CHM: variants seen among roughly 807,000 people sequenced by gnomAD.
CHM encodes rab proteins geranylgeranyltransferase component A 1.
CHM carries 10 observed loss-of-function variants against 49.0 expected under a neutral mutation model. That is an observed-to-expected ratio of 0.20 (90% CI 0.13 to 0.35). The LOEUF is 0.35. Ranked by LOEUF, CHM falls within the 10% of genes least tolerant of loss-of-function variation. CHM has a pLI of 1.00. For synonymous variants in CHM, 184 were observed against 167.5 expected (o/e 1.10, Z -0.76); for missense variants, 455 against 478.4 (o/e 0.95, Z 0.46).
At chrX:85,911,164 T>TATATATATATGA (rs1926952142) in intron 9 of CHM, 97 bp downstream of exon 9, 1 of 3,707 alleles carries the variant, frequency 2.7e-4, no homozygotes, top group African/African-American at 1.6e-3. Flanking sequence ...TATATATATG[T>TATATATATATGA]ATATATATAT....
chrX:85,936,812 GTT>G (rs1027785320), intron 8 of CHM, among the ~76,000 whole-genome samples: 1 of 111,759 alleles, frequency 8.9e-6, no homozygotes, highest in Non-Finnish European at 1.9e-5. Flanking sequence ...GGCTGCCTTT[GTT>G]TTGTTTGTTT....
At chrX:85,917,769 T>G (rs1313742425) in intron 8 of CHM, among the ~76,000 whole-genome samples, 1 of 107,008 alleles carries the variant, frequency 9.3e-6, no homozygotes, top group Non-Finnish European at 1.9e-5. Flanking sequence ...ATAATGCAAT[T>G]GGAAGCATAA....
chrX:85,872,943 T>C, intron 14 of CHM, 109 bp downstream of exon 14: 1 of 711,591 alleles, frequency 1.4e-6, no homozygotes, highest in Admixed American at 3.2e-5. Context: ...ATTACAGAAA[T>C]GGTACTACTG....
At chrX:85,995,797 T>C (rs182201143) in intron 2 of CHM, among the ~76,000 whole-genome samples, 1 of 112,237 alleles carries the variant, frequency 8.9e-6, no homozygotes, top group Admixed American at 9.5e-5. Flanking sequence ...TCTTGAATAC[T>C]AGATTAGTTT....
intron 2 of CHM, among the ~76,000 whole-genome samples, chrX:85,986,674 C>T (rs916349934): frequency 8.9e-6 from 1 of 111,780 alleles, no homozygotes. Flanking sequence ...ACTGACTGTA[C>T]TCACTCTACA....
chrX:85,869,324 A>T (rs1923901377), intron 14 of CHM, among the ~76,000 whole-genome samples: 1 of 111,209 alleles, frequency 9.0e-6, no homozygotes, highest in Admixed American at 9.6e-5. Flanking sequence ...TAAATATAAT[A>T]ATTATTATTA....
intron 2 of CHM, among the ~76,000 whole-genome samples, chrX:85,993,052 C>A (rs897072157): frequency 8.9e-6 from 1 of 111,790 alleles, no homozygotes; most frequent in Non-Finnish European, 1.9e-5. Flanking sequence ...ATTCAATTAT[C>A]ACTTCTCTGT....
At chrX:85,941,639 A>T (rs868078563) in intron 8 of CHM, among the ~76,000 whole-genome samples, 6 of 111,564 alleles carry the variant, frequency 5.4e-5, no homozygotes, top group Admixed American at 9.6e-5. Context: ...TTAGAAATAA[A>T]TTTTTTAGAA....
At chrX:85,985,011 T>C in intron 2 of CHM, among the ~76,000 whole-genome samples, 1 of 111,427 alleles carries the variant, frequency 9.0e-6, no homozygotes, top group East Asian at 2.8e-4. Context: ...CCCCCATACA[T>C]ACCCCTAGGA....
chrX:85,955,279 T>C (rs5968744), intron 8 of CHM, among the ~76,000 whole-genome samples: 25,100 of 111,133 alleles, frequency 0.23, 2,163 homozygotes, highest in Non-Finnish European at 0.25. Context: ...AGGATAAATG[T>C]GTGAAGGGAT....
intron 2 of CHM, among the ~76,000 whole-genome samples, chrX:86,015,214 G>A (rs771300085): frequency 3.6e-5 from 4 of 110,962 alleles, no homozygotes; most frequent in Non-Finnish European, 5.7e-5. Flanking sequence ...GGTTTTACCC[G>A]TGCTGTCCTT....
At chrX:85,942,273 C>T (rs1929151321) in intron 8 of CHM, among the ~76,000 whole-genome samples, 2 of 105,628 alleles carry the variant, frequency 1.9e-5, no homozygotes, top group Non-Finnish European at 3.9e-5. Context: ...AGCCCCCAAC[C>T]CCCAACCCCC....
chrX:86,038,993 T>C (rs1027055326), intron 1 of CHM, among the ~76,000 whole-genome samples: 13 of 112,541 alleles, frequency 1.2e-4, no homozygotes, highest in Non-Finnish European at 1.7e-4. Flanking sequence ...AGAAAAACTT[T>C]CGTCTTAACT....
intron 2 of CHM, among the ~76,000 whole-genome samples, chrX:85,999,227 C>T (rs1164873750): frequency 9.0e-6 from 1 of 111,213 alleles, no homozygotes; most frequent in African/African-American, 3.3e-5. Flanking sequence ...ATTATTAAAA[C>T]ATACCAATGT....
At chrX:86,043,028 C>A in intron 1 of CHM, among the ~76,000 whole-genome samples, 1 of 111,509 alleles carries the variant, frequency 9.0e-6, no homozygotes, top group Middle Eastern at 4.6e-3. Context: ...AGGAAAATTT[C>A]TGAAGTATAT....
At chrX:85,958,033 A>G in intron 6 of CHM, 58 bp from the exon 7 acceptor site, 1 of 1,174,301 alleles carries the variant, frequency 8.5e-7, no homozygotes, top group Non-Finnish European at 1.2e-6. Context: ...TAACTATTCC[A>G]AATTACACTT....
intron 3 of CHM, among the ~76,000 whole-genome samples, chrX:85,979,147 T>C (rs1931453133): frequency 8.9e-6 from 1 of 112,226 alleles, no homozygotes; most frequent in Non-Finnish European, 1.9e-5. Flanking sequence ...ATATGAAATT[T>C]TGAAAAAGTC....
intron 4 of CHM, chrX:85,970,141 T>C: frequency 3.9e-6 from 1 of 256,239 alleles, no homozygotes; most frequent in South Asian, 1.9e-4. Context: ...GATATGCTAA[T>C]TAGCCTAATT....
At chrX:85,997,695 C>T (rs1382659967) in intron 2 of CHM, among the ~76,000 whole-genome samples, 1 of 111,360 alleles carries the variant, frequency 9.0e-6, no homozygotes, top group East Asian at 2.8e-4. Flanking sequence ...GTGGCTCACA[C>T]CTGTAATCCC....
Sources: allele counts gnomAD v4.1 joint callset (sites outside exome capture counted in the v4.1 genomes callset), GRCh38; gene constraint gnomAD v4.1.1; transcripts MANE v1.5; gene names NCBI Gene and HGNC (gene_info 2026-07-23, HGNC 2026-07-21).